ASB8: variants seen among roughly 807,000 people sequenced by gnomAD.
The protein encoded by ASB8 is ankyrin repeat and SOCS box containing 8, also known as ankyrin repeat and SOCS box protein 8.
ASB8 carries 15 observed loss-of-function variants against 22.9 expected under a neutral mutation model. That is an observed-to-expected ratio of 0.66 (90% confidence interval 0.44 to 1.01). The LOEUF is 1.01. ASB8 is among the 50% of genes least tolerant of loss of function. The pLI is 0.00. For synonymous variants in ASB8, 124 were observed against 140.8 expected (o/e 0.88, Z 0.84); for missense variants, 294 against 356.9 (o/e 0.82, Z 1.42).
At position 48,153,468 on chromosome 12, in the gene ASB8, T is replaced by C. The variant is rs188638799; in HGVS notation, c.29A>G (p.Gln10Arg). 10 of 1,613,916 alleles carry C rather than the reference T, an allele frequency of 6.2e-6. No individual in the cohort carries two copies. The highest frequency in any genetic ancestry group is 5.5e-5 in the South Asian group (5 of 91,082). The part of the protein sequence containing the change: MSSSMWYIM[Q>R]SIQSKYSLSE... Reference sequence around the variant, plus strand: ...GAGAGAGTATTTGCTCTGAATGCTCTGCATAATATACCACATACTGGAACT... The same window carrying C: ...GAGAGAGTATTTGCTCTGAATGCTCCGCATAATATACCACATACTGGAACT... Residue 10 changes from glutamine to arginine, a missense_variant, in exon 2 of 4, where the codon CAG becomes CGG. Coordinates refer to ENST00000317697, the MANE Select transcript of ASB8 (RefSeq NM_024095.5).
chr12:48,155,476 C>T (rs1394581129), intron 1 of ASB8, among the ~76,000 whole-genome samples: 2 of 152,104 alleles, frequency 1.3e-5, no homozygotes, highest in Non-Finnish European at 2.9e-5. Flanking sequence ...AATCCCAGCA[C>T]TTTGGGAGGC....
intron 1 of ASB8, among the ~76,000 whole-genome samples, chr12:48,156,469 G>C (rs902178820): frequency 6.6e-6 from 1 of 152,036 alleles, no homozygotes; most frequent in Non-Finnish European, 1.5e-5. Flanking sequence ...ATCTAAAGCA[G>C]GAGGCTTGGA....
chr12:48,150,801 G>T (rs1951188500), intron 3 of ASB8: 2 of 248,812 alleles, frequency 8.0e-6, no homozygotes, highest in Non-Finnish European at 1.5e-5. Context: ...GGGTACTTTA[G>T]ATTTAATCAG....
rs1446890016 is a variant in ASB8, at chr12:48,149,791, C to T, written c.442G>A (p.Asp148Asn). 1 of 1,614,068 alleles carries T rather than the reference C, an allele frequency of 6.2e-7. No individual in the cohort carries two copies. The highest frequency in any genetic ancestry group is 8.5e-7 in the Non-Finnish European group (1 of 1,179,950). The stretch of plus-strand genomic sequence containing the variant: ...CTGAGCGGTGTATCATTGTTGTAAT[C>T]CAGGGCATTGACAGAGGCCCCGCTC... ...LESGASVNAL[D>N]YNNDTPLSWA... Residue 148 changes from aspartate to asparagine, a missense_variant, in exon 4 of 4, where the codon GAT becomes AAT. Asp to Asn is a conservative substitution (Grantham distance 23). Coordinates refer to ENST00000317697, the MANE Select transcript of ASB8 (RefSeq NM_024095.5).
At chr12:48,153,770 G>T (rs1367768309) in intron 1 of ASB8, 3 of 253,474 alleles carry the variant, frequency 1.2e-5, no homozygotes, top group Admixed American at 9.8e-5. Flanking sequence ...TAAGACCCCC[G>T]TGGAGCTCTG....
intron 3 of ASB8, chr12:48,150,237 G>A (rs1951178565): frequency 2.9e-6 from 2 of 700,346 alleles, no homozygotes; most frequent in Non-Finnish European, 5.2e-6. Flanking sequence ...TGACTAGCTG[G>A]TCTGCATTAT....
intron 3 of ASB8, chr12:48,150,308 G>A (rs1951179525): frequency 3.1e-6 from 2 of 643,830 alleles, no homozygotes; most frequent in Non-Finnish European, 5.6e-6. Flanking sequence ...CAGAGTAAGG[G>A]GTAAGGCAGG....
chr12:48,149,618 G>A lies in ASB8; in HGVS notation c.615C>T (p.Asp205=), dbSNP rs1309354142. The part of the protein sequence containing the change: ...LVRGLGTEKE[D]SCFELLHRAV... ...CTCTGTGGAGGAGCTCAAAGCAAGA[G>A]TCCTCTTTCTCTGTTCCAAGTCCCC... The change falls in exon 4 of 4, where the codon GAC becomes GAT. Residue 205 remains aspartate, a synonymous_variant. Coordinates refer to ENST00000317697, the MANE Select transcript of ASB8 (RefSeq NM_024095.5). The A allele has an allele frequency of 1.2e-6, 2 of 1,614,062 alleles. No homozygotes were observed. The highest frequency in any genetic ancestry group is 1.7e-5 in the Admixed American group (1 of 60,010).
chr12:48,155,736 A>ATAT (rs1555211480), intron 1 of ASB8, among the ~76,000 whole-genome samples: 161 of 120,774 alleles, frequency 1.3e-3, no homozygotes, highest in Middle Eastern at 4.4e-3. Flanking sequence ...TCTCAAAAAA[A>ATAT]AAAAAAATAT....
At chr12:48,156,459 A>G (rs867192241) in intron 1 of ASB8, among the ~76,000 whole-genome samples, 5 of 152,206 alleles carry the variant, frequency 3.3e-5, no homozygotes, top group African/African-American at 1.2e-4. Context: ...AAGACAGAGC[A>G]TCTAAAGCAG....
intron 2 of ASB8, chr12:48,151,659 C>A (rs1328399368): frequency 1.5e-6 from 2 of 1,351,854 alleles, no homozygotes. Context: ...TCTATGGCCA[C>A]CATGCTCTGG....
At chr12:48,153,135 G>A (rs1301060684) in intron 2 of ASB8, 3 of 477,884 alleles carry the variant, frequency 6.3e-6, no homozygotes, top group African/African-American at 3.9e-5. Flanking sequence ...ATGAGACTAG[G>A]GTTATTGAGA....
chr12:48,152,452 A>C (rs187178221), intron 2 of ASB8, among the ~76,000 whole-genome samples: 1 of 152,362 alleles, frequency 6.6e-6, no homozygotes, highest in African/African-American at 2.4e-5. Flanking sequence ...CTCTTCAACA[A>C]GAAAAATAAA....
At position 48,153,358 on chromosome 12, in the gene ASB8, G is replaced by A; in HGVS notation, c.129+10C>T. ...CGCAAGGACTCTCCTGTCAATACCA[G>A]CACACTCACCCCTCTGATGAGGTCC... On this transcript the variant is annotated intron_variant, in intron 2 of 3. Coordinates refer to ENST00000317697, the MANE Select transcript of ASB8 (RefSeq NM_024095.5). 1 of 1,613,630 alleles carries A rather than the reference G, an allele frequency of 6.2e-7. No homozygotes were observed. Among genetic ancestry groups the A allele is most frequent in the Non-Finnish European group, 8.5e-7 (1 of 1,179,674 alleles).
rs1449447731 is a variant in ASB8 at position 48,148,519 on chromosome 12, A to G, written c.*847T>C. On this transcript the variant is annotated 3_prime_UTR_variant, in exon 4 of 4. Transcript: ENST00000317697. ...TCCAGTCCCTTCCAAATGCCCCAGG[A>G]CATGGCACAGTAGGGATGTCATCCA... 1.3e-5 allele frequency: 2 copies of G among 152,146 alleles called. No homozygotes were observed. Among genetic ancestry groups the G allele is most frequent in the African/African-American group, 4.8e-5 (2 of 41,416 alleles). 9.4% of individuals were successfully genotyped at this position (152,146 alleles called of 1,614,324 possible).
intron 1 of ASB8, among the ~76,000 whole-genome samples, chr12:48,155,454 G>T (rs971077264): frequency 6.6e-6 from 1 of 152,052 alleles, no homozygotes; most frequent in African/African-American, 2.4e-5. Flanking sequence ...GGGCGCGATG[G>T]CTCACGCCTG....
chr12:48,149,647 C>T lies in ASB8; in HGVS notation c.586G>A (p.Val196Ile). ...TPISRLVALLVRGLGTEKEDS... is the reference protein window; with the variant it reads ...TPISRLVALLIRGLGTEKEDS... ...TCTTTCTCTGTTCCAAGTCCCCTGA[C>T]TAGCAGAGCCACCAGGCGGGAGATG... Residue 196 changes from valine to isoleucine, a missense_variant, in exon 4 of 4, where the codon GTC becomes ATC. By Grantham distance (29) the Val-to-Ile change is conservative (BLOSUM62 3). Coordinates refer to ENST00000317697, the MANE Select transcript of ASB8 (RefSeq NM_024095.5). 1 of 1,614,178 alleles carries T rather than the reference C, an allele frequency of 6.2e-7. No individual in the cohort carries two copies. The highest frequency in any genetic ancestry group is 8.5e-7 in the Non-Finnish European group (1 of 1,180,026).
Position 48,149,934 on chromosome 12 carries a change from C to G in ASB8, c.299G>C (p.Cys100Ser). ...LHYAAEKDEA[C>S]VEVLLEYGAN... ...ACCATACTCCAATAGGACCTCCACA[C>G]AAGCCTCATCTTTCTCTGCTGCATA... The change falls in exon 4 of 4, where the codon TGT becomes TCT. Residue 100 changes from cysteine to serine, a missense_variant. Coordinates refer to ENST00000317697, the MANE Select transcript of ASB8 (RefSeq NM_024095.5). 7.4e-6 allele frequency: 12 copies of G among 1,614,120 alleles called. No individual in the cohort carries two copies. The highest frequency in any genetic ancestry group is 9.3e-6 in the Non-Finnish European group (11 of 1,179,950).
At position 48,148,301 on chromosome 12, in the gene ASB8, T is replaced by C. The variant is rs768910373; in HGVS notation, c.*1065A>G. 6.8e-6 allele frequency: 1 copy of C among 146,012 alleles called. No homozygotes were observed. Among genetic ancestry groups the C allele is most frequent in the Non-Finnish European group, 1.6e-5 (1 of 64,124 alleles). The allele number at this position is 146,012 out of a possible 1,614,324, so 9.0% of individuals were successfully genotyped here. A position where few individuals can be genotyped will look rare whatever the true frequency, so the allele number is the denominator to read the frequency against. Reference sequence around the variant, plus strand: ...GCCTGGGAATCCCATTAGAACACACTGTTTCTCAGGAAGAGAAAAAGCTGC... The same window carrying C: ...GCCTGGGAATCCCATTAGAACACACCGTTTCTCAGGAAGAGAAAAAGCTGC... On this transcript the variant is annotated 3_prime_UTR_variant, in exon 4 of 4. Transcript: ENST00000317697.
Sources: gnomAD v4.1 joint callset for allele counts (sites outside exome capture counted in the v4.1 genomes callset) on GRCh38, gnomAD v4.1.1 for gene constraint, MANE v1.5 for transcripts, NCBI Gene and HGNC (gene_info 2026-07-23, HGNC 2026-07-21) for gene names.